LRRC3B: variants seen among roughly 807,000 people sequenced by gnomAD.
The protein encoded by LRRC3B is leucine rich repeat containing 3B, also known as leucine-rich repeat-containing protein 3B.
In LRRC3B, 2 loss-of-function variants were observed where a neutral mutation model predicts 12.8. That is an observed-to-expected ratio of 0.16 (90% CI 0.06 to 0.49). LRRC3B has a LOEUF of 0.49. Ranked by LOEUF, LRRC3B falls within the 20% of genes least tolerant of loss-of-function variation. The probability of loss-of-function intolerance (pLI) is 0.96; values close to 1 mark genes in which losing one functional copy is unlikely to be tolerated. For synonymous variants in LRRC3B, 132 were observed against 122.0 expected (o/e 1.08, Z -0.54); for missense variants, 189 against 319.4 (o/e 0.59, Z 3.11).
intron 1 of LRRC3B, among the ~76,000 whole-genome samples, chr3:26,704,892 TA>T (rs1700547567): frequency 6.6e-6 from 1 of 152,208 alleles, no homozygotes; most frequent in Non-Finnish European, 1.5e-5. Flanking sequence ...TTTTATCTTT[TA>T]AATTAAAAGC....
At chr3:26,650,327 G>T (rs1283096955) in intron 1 of LRRC3B, among the ~76,000 whole-genome samples, 3 of 152,176 alleles carry the variant, frequency 2.0e-5, no homozygotes, top group Non-Finnish European at 4.4e-5. Flanking sequence ...CAGTGATTGT[G>T]TCAGGTTTTT....
chr3:26,672,554 AC>A (rs1261805878), intron 1 of LRRC3B, among the ~76,000 whole-genome samples: 4 of 152,164 alleles, frequency 2.6e-5, no homozygotes, highest in Non-Finnish European at 5.9e-5. Flanking sequence ...GGCAGTTTAT[AC>A]TCAGTTTCTG....
intron 1 of LRRC3B, among the ~76,000 whole-genome samples, chr3:26,674,738 T>C (rs1699822426): frequency 6.6e-6 from 1 of 152,126 alleles, no homozygotes; most frequent in Admixed American, 6.5e-5. Context: ...ACATCTCAGA[T>C]TGGGCATTTC....
chr3:26,668,275 G>A lies in LRRC3B; in HGVS notation c.-160-41238G>A, dbSNP rs114499475. 6.6e-3 allele frequency among the ~76,000 whole-genome samples: 1,009 copies of A among 152,214 alleles called. 13 individuals carry two copies. Among genetic ancestry groups the A allele is most frequent in the African/African-American group, 0.023 (973 of 41,530 alleles). On this transcript the variant is annotated intron_variant, in intron 1 of 1. Coordinates refer to ENST00000396641, the Ensembl canonical transcript of LRRC3B. ...GGAGTAGCAAGCAAGAAAGCTATGA[G>A]GGGCCGTTAACAGAGCCAGAGCTGG...
At chr3:26,627,452 G>T (rs1454207887) in intron 1 of LRRC3B, among the ~76,000 whole-genome samples, 1 of 152,022 alleles carries the variant, frequency 6.6e-6, no homozygotes, top group Admixed American at 6.5e-5. Flanking sequence ...CCATCCTATA[G>T]TGAGGACCTA....
rs1559361672 is a variant in LRRC3B at position 26,671,360 on chromosome 3, A to ATATATATATATG, written c.-160-38142_-160-38141insGTATATATATAT. Among the ~76,000 whole-genome samples, 65 of 66,040 alleles carry ATATATATATATG rather than the reference A, an allele frequency of 9.8e-4. 4 individuals are homozygous for ATATATATATATG. Among genetic ancestry groups the ATATATATATATG allele is most frequent in the African/African-American group, 6.3e-3 (64 of 10,210 alleles). The allele number at this position is 66,040 out of a possible 152,430, so 43.3% of individuals were successfully genotyped here. Reference sequence around the variant, plus strand: ...TGTGTATATATGTGTGTATATATATATATATATATATATAGAGAGAGAGAG... The same window carrying ATATATATATATG: ...TGTGTATATATGTGTGTATATATATATATATATATATGTATATATATATATAGAGAGAGAGAG... On this transcript the variant is annotated intron_variant, in intron 1 of 1. Coordinates refer to ENST00000396641, the Ensembl canonical transcript of LRRC3B.
intron 1 of LRRC3B, among the ~76,000 whole-genome samples, chr3:26,653,097 C>CAA (rs58039696): frequency 8.5e-6 from 1 of 117,010 alleles, no homozygotes; most frequent in Non-Finnish European, 2.0e-5. Context: ...CTTGTGGGAT[C>CAA]AAAAAAAAAA....
chr3:26,696,064 A>T (rs1042528406), intron 1 of LRRC3B, among the ~76,000 whole-genome samples: 7 of 152,234 alleles, frequency 4.6e-5, no homozygotes, highest in African/African-American at 1.7e-4. Context: ...ATTATTTATG[A>T]TAGCAAATCA....
intron 1 of LRRC3B, among the ~76,000 whole-genome samples, chr3:26,660,666 G>A (rs1282858489): frequency 6.6e-6 from 1 of 152,096 alleles, no homozygotes; most frequent in Non-Finnish European, 1.5e-5. Context: ...TAGGGCAAAT[G>A]TTGACAAAGG....
intron 1 of LRRC3B, among the ~76,000 whole-genome samples, chr3:26,696,959 TG>T (rs779735523): frequency 1.4e-4 from 21 of 152,230 alleles, no homozygotes; most frequent in Non-Finnish European, 2.6e-4. Flanking sequence ...TTGTTTTGAC[TG>T]TTTTAGATAA....
chr3:26,710,405 A>C (rs146155245), exon 2 of LRRC3B: 12 of 1,613,798 alleles, frequency 7.4e-6, no homozygotes, highest in Non-Finnish European at 9.3e-6. Flanking sequence ...CCTGCCAAGC[A>C]GGCAGAAGAA....
At chr3:26,672,824 T>C (rs1699775416) in intron 1 of LRRC3B, among the ~76,000 whole-genome samples, 1 of 152,216 alleles carries the variant, frequency 6.6e-6, no homozygotes, top group Admixed American at 6.5e-5. Flanking sequence ...TGGAACATCT[T>C]AATTCAGAAA....
At chr3:26,635,236 C>A (rs1218865331) in intron 1 of LRRC3B, among the ~76,000 whole-genome samples, 1 of 152,142 alleles carries the variant, frequency 6.6e-6, no homozygotes, top group Non-Finnish European at 1.5e-5. Context: ...ATCCCCTGAG[C>A]CACTGCAGGA....
chr3:26,648,085 GTT>G (rs1204239906), intron 1 of LRRC3B, among the ~76,000 whole-genome samples: 1 of 145,964 alleles, frequency 6.9e-6, no homozygotes. Flanking sequence ...AAAGTTTGGG[GTT>G]TTTTTTTTTC....
intron 1 of LRRC3B, among the ~76,000 whole-genome samples, chr3:26,632,197 C>T (rs953147902): frequency 2.6e-5 from 4 of 152,214 alleles, no homozygotes; most frequent in Non-Finnish European, 5.9e-5. Flanking sequence ...GCAATAATTG[C>T]CATGCGGGCA....
chr3:26,677,114 TG>T (rs1699876230), intron 1 of LRRC3B, among the ~76,000 whole-genome samples: 1 of 152,114 alleles, frequency 6.6e-6, no homozygotes, highest in South Asian at 2.1e-4. Context: ...ATTTGCAAAA[TG>T]GAGACAAAAA....
At chr3:26,645,531 T>TATATGTGC (rs1194581061) in intron 1 of LRRC3B, among the ~76,000 whole-genome samples, 1 of 152,248 alleles carries the variant, frequency 6.6e-6, no homozygotes, top group African/African-American at 2.4e-5. Context: ...TCTGCTATTA[T>TATATGTGC]ATATGTGCAT....
At chr3:26,655,985 G>T (rs1462995056) in intron 1 of LRRC3B, among the ~76,000 whole-genome samples, 2 of 152,172 alleles carry the variant, frequency 1.3e-5, no homozygotes, top group Non-Finnish European at 2.9e-5. Flanking sequence ...CCGGACTTCA[G>T]ACTAAGGTTC....
intron 1 of LRRC3B, among the ~76,000 whole-genome samples, chr3:26,627,777 T>A (rs908148183): frequency 3.3e-5 from 5 of 152,156 alleles, no homozygotes; most frequent in Non-Finnish European, 5.9e-5. Flanking sequence ...TAGGAAAAAC[T>A]TGCACAGCTG....
Sources: gnomAD v4.1 joint callset for allele counts (sites outside exome capture counted in the v4.1 genomes callset) on GRCh38, gnomAD v4.1.1 for gene constraint, MANE v1.5 for transcripts, NCBI Gene and HGNC (gene_info 2026-07-23, HGNC 2026-07-21) for gene names.